The following C12orf42 variants were observed in gnomAD, a reference collection of about 807,000 sequenced individuals.
The protein encoded by C12orf42 is chromosome 12 open reading frame 42.
In C12orf42, 25 loss-of-function variants were observed where a neutral mutation model predicts 21.6. The observed-to-expected ratio is 1.16, with a 90% CI of 0.84 to 1.62. The LOEUF is 1.62. Ranked by LOEUF, C12orf42 falls within the 40% of genes most tolerant of loss-of-function variation. The pLI is 0.00. For synonymous variants in C12orf42, 174 were observed against 175.0 expected (o/e 0.99, Z 0.05); for missense variants, 483 against 459.3 (o/e 1.05, Z -0.47).
chr12:103,521,573 C>A, the C12orf42 span, among the ~76,000 whole-genome samples: 1 of 152,152 alleles, frequency 6.6e-6, no homozygotes, highest in Non-Finnish European at 1.5e-5. Flanking sequence ...ATAGCTAATG[C>A]ATGTGGGGCT....
chr12:103,129,870 C>T, the C12orf42 span, among the ~76,000 whole-genome samples: 1 of 152,226 alleles, frequency 6.6e-6, no homozygotes, highest in East Asian at 1.9e-4. Context: ...TTACCAACTA[C>T]TGCTCCTTGA....
the C12orf42 span, among the ~76,000 whole-genome samples, chr12:103,535,608 A>T: frequency 6.6e-6 from 1 of 152,146 alleles, no homozygotes; most frequent in East Asian, 1.9e-4. Flanking sequence ...TATCAGATTT[A>T]TTCTTCAAAA....
At chr12:103,535,302 T>C in the C12orf42 span, among the ~76,000 whole-genome samples, 1 of 152,156 alleles carries the variant, frequency 6.6e-6, no homozygotes, top group Non-Finnish European at 1.5e-5. Flanking sequence ...CTGTGAGACA[T>C]TCAAGACTGA....
intron 10 of C12orf42, chr12:103,262,126 TTTAA>T (rs1283824522): frequency 3.3e-5 from 5 of 152,240 alleles, no homozygotes; most frequent in Admixed American, 6.5e-5. Flanking sequence ...ATAGTGCTAC[TTTAA>T]TTAAGAGAAA....
the C12orf42 span, among the ~76,000 whole-genome samples, chr12:103,157,261 T>C: frequency 6.6e-6 from 1 of 152,238 alleles, no homozygotes; most frequent in Non-Finnish European, 1.5e-5. Context: ...GCTGGTCACA[T>C]AAATGTCTTC....
At chr12:103,551,281 C>T in the C12orf42 span, among the ~76,000 whole-genome samples, 1 of 152,084 alleles carries the variant, frequency 6.6e-6, no homozygotes, top group South Asian at 2.1e-4. Context: ...TCTAAGCAGG[C>T]AAGTGTCTAT....
At chr12:103,479,983 T>C (rs928943515) in intron 1 of C12orf42, among the ~76,000 whole-genome samples, 11 of 151,984 alleles carry the variant, frequency 7.2e-5, no homozygotes, top group Admixed American at 3.3e-4. Flanking sequence ...TCTCTTTTTC[T>C]AACCACTGAT....
chr12:103,508,198 C>T, the C12orf42 span, among the ~76,000 whole-genome samples: 2 of 152,000 alleles, frequency 1.3e-5, no homozygotes, highest in African/African-American at 4.8e-5. Flanking sequence ...ACATTTTCAA[C>T]TTATGAAACA....
chr12:103,457,778 G>A (rs1472833431), intron 2 of C12orf42, among the ~76,000 whole-genome samples: 1 of 152,102 alleles, frequency 6.6e-6, no homozygotes, highest in Non-Finnish European at 1.5e-5. Context: ...TGCCCTCCTG[G>A]CAGGGGGTGG....
chr12:103,456,638 T>C (rs1234762219), intron 2 of C12orf42, among the ~76,000 whole-genome samples: 1 of 152,154 alleles, frequency 6.6e-6, no homozygotes, highest in Non-Finnish European at 1.5e-5. Flanking sequence ...ATAAAGTAAA[T>C]TAACATTGAA....
At chr12:103,434,879 C>T (rs552068775) in intron 2 of C12orf42, among the ~76,000 whole-genome samples, 116 of 152,342 alleles carry the variant, frequency 7.6e-4, no homozygotes, top group African/African-American at 2.6e-3. Context: ...CCGGGAAGCT[C>T]GAACTGGGTG....
the C12orf42 span, among the ~76,000 whole-genome samples, chr12:103,537,811 T>C: frequency 6.6e-6 from 1 of 152,236 alleles, no homozygotes; most frequent in Non-Finnish European, 1.5e-5. Context: ...ACTTAGGCTT[T>C]GTAAGCCTTC....
the C12orf42 span, among the ~76,000 whole-genome samples, chr12:103,056,826 C>T: frequency 1.2e-4 from 18 of 152,092 alleles, no homozygotes; most frequent in African/African-American, 4.3e-4. Flanking sequence ...TTTCTATTTC[C>T]TTGGTGAGAC....
intron 2 of C12orf42, among the ~76,000 whole-genome samples, chr12:103,437,277 G>A (rs1382047937): frequency 6.6e-6 from 1 of 152,154 alleles, no homozygotes; most frequent in Non-Finnish European, 1.5e-5. Context: ...GAAATTTATA[G>A]CACTAAATGC....
chr12:103,526,901 T>G, the C12orf42 span, among the ~76,000 whole-genome samples: 1 of 152,192 alleles, frequency 6.6e-6, no homozygotes, highest in Non-Finnish European at 1.5e-5. Context: ...AGCAGACTAG[T>G]ACACTCAAGA....
chr12:103,077,080 G>GC, the C12orf42 span, among the ~76,000 whole-genome samples: 1 of 152,136 alleles, frequency 6.6e-6, no homozygotes, highest in South Asian at 2.1e-4. Context: ...CTTTGTTCTA[G>GC]ACCCATTTTC....
At chr12:103,546,726 A>G in the C12orf42 span, among the ~76,000 whole-genome samples, 27 of 152,366 alleles carry the variant, frequency 1.8e-4, no homozygotes, top group African/African-American at 6.3e-4. Flanking sequence ...GTCCCAAAAT[A>G]TGGCACTTTG....
the C12orf42 span, among the ~76,000 whole-genome samples, chr12:103,140,468 G>A: frequency 2.0e-5 from 3 of 152,248 alleles, no homozygotes; most frequent in East Asian, 5.8e-4. Context: ...AGCGTCCCAT[G>A]CCTGGGAATA....
chr12:103,092,637 C>T, the C12orf42 span, among the ~76,000 whole-genome samples: 4 of 152,172 alleles, frequency 2.6e-5, no homozygotes, highest in Admixed American at 2.0e-4. Context: ...CCACACTCAT[C>T]ACCCAATCTC....
Sources: gnomAD v4.1 joint callset for allele counts (sites outside exome capture counted in the v4.1 genomes callset) on GRCh38, gnomAD v4.1.1 for gene constraint, MANE v1.5 for transcripts, NCBI Gene and HGNC (gene_info 2026-07-23, HGNC 2026-07-21) for gene names.